RAET1G: variants seen among roughly 807,000 people sequenced by gnomAD.
RAET1G encodes retinoic acid early transcript 1G.
RAET1G carries 25 observed loss-of-function variants against 29.5 expected under a neutral mutation model. That is an observed-to-expected ratio of 0.85 (90% CI 0.62 to 1.18). RAET1G has a LOEUF of 1.18. Among genes scored for constraint, RAET1G ranks in the 50% most tolerant of loss-of-function variants. RAET1G has a pLI of 0.00. For synonymous variants in RAET1G, 167 were observed against 159.5 expected (o/e 1.05, Z -0.36); for missense variants, 434 against 423.6 (o/e 1.02, Z -0.22).
At chr6:149,919,961 A>G in intron 1 of RAET1G, 145 bp from the exon 2 acceptor site, 2 of 1,547,190 alleles carry the variant, frequency 1.3e-6, no homozygotes, top group Non-Finnish European at 1.7e-6. Flanking sequence ...GGTGTCCACA[A>G]GATTAAGGCG....
At position 149,917,164 on chromosome 6, in the gene RAET1G, A is replaced by G. The variant is rs13206119; in HGVS notation, c.843-90T>C. ...TACTTTCACTAATTCTGCTACCGCTATCTAGAAGGCGGAGCCAGGTGTACA... is the reference window on the plus strand; with the variant it reads ...TACTTTCACTAATTCTGCTACCGCTGTCTAGAAGGCGGAGCCAGGTGTACA... On this transcript the variant is annotated intron_variant, in intron 4 of 4. Transcript: ENST00000367360. 116 of 1,428,752 alleles carry G rather than the reference A, an allele frequency of 8.1e-5. No homozygotes were observed. In the East Asian group the frequency reaches 2.6e-3, roughly 32 times the overall value. The allele number at this position is 1,428,752 out of a possible 1,614,324, so 88.5% of individuals were successfully genotyped here.
rs1778633718 is a variant in RAET1G at position 149,923,074 on chromosome 6, G to T, written c.-64C>A. 1 of 1,236,088 alleles carries T rather than the reference G, an allele frequency of 8.1e-7. No individual in the cohort carries two copies. The highest frequency in any genetic ancestry group is 1.1e-6 in the Non-Finnish European group (1 of 874,540). 76.6% of individuals were successfully genotyped at this position (1,236,088 alleles called of 1,614,324 possible). The stretch of plus-strand genomic sequence containing the variant: ...CAGCCCGTGGATCACCTGGCGGCTC[G>T]CAGGCTGTCTGAATGCAGCCCGTCT... On this transcript the variant is annotated 5_prime_UTR_variant, in exon 1 of 5. Transcript: ENST00000367360.
intron 1 of RAET1G, 75 bp downstream of exon 1, chr6:149,922,851 C>G: frequency 5.7e-6 from 6 of 1,060,690 alleles, no homozygotes; most frequent in Non-Finnish European, 6.8e-6. Flanking sequence ...AGAAGCCTCC[C>G]CTCCTCTGAA....
chr6:149,917,687 G>T (rs1239598392), intron 4 of RAET1G, among the ~76,000 whole-genome samples: 1 of 152,110 alleles, frequency 6.6e-6, no homozygotes, highest in Non-Finnish European at 1.5e-5. Context: ...AACAGCTTGT[G>T]CCTTCAGTCT....
chr6:149,918,912 G>C, intron 3 of RAET1G, 131 bp downstream of exon 3: 1 of 1,458,202 alleles, frequency 6.9e-7, no homozygotes, highest in South Asian at 1.4e-5. Flanking sequence ...CCCAGGAGGA[G>C]CACCCCACGA....
chr6:149,922,823 G>T, intron 1 of RAET1G, 103 bp downstream of exon 1: 1 of 760,394 alleles, frequency 1.3e-6, no homozygotes, highest in Non-Finnish European at 2.1e-6. Flanking sequence ...AGTCCGGGGT[G>T]ATCGCACGGG....
chr6:149,922,543 T>A (rs1778619193), intron 1 of RAET1G, among the ~76,000 whole-genome samples: 1 of 152,052 alleles, frequency 6.6e-6, no homozygotes, highest in Non-Finnish European at 1.5e-5. Flanking sequence ...TGTCTGTGAT[T>A]GTGTCCCTGT....
In RAET1G at chr6:149,919,674, G is replaced by A; in HGVS notation, c.228C>T (p.Pro76=). 3 of 1,613,946 alleles carry A rather than the reference G, an allele frequency of 1.9e-6. No homozygotes were observed. Among genetic ancestry groups the A allele is most frequent in the Non-Finnish European group, 2.5e-6 (3 of 1,179,872 alleles). ...CGSKTVTPVS[P]LGKKLNVTTA... is the part of the protein sequence containing the mutation. ...TTGTGACATTTAGTTTCTTCCCCAGGGGACTGACGGGTGTGACTGTCTTGC... is the reference window on the plus strand; with the variant it reads ...TTGTGACATTTAGTTTCTTCCCCAGAGGACTGACGGGTGTGACTGTCTTGC... Residue 76 remains proline, a synonymous_variant, in exon 2 of 5, where the codon CCC becomes CCT. Transcript: ENST00000367360.
At chr6:149,917,174 C>T (rs1432125779) in intron 4 of RAET1G, 100 bp from the exon 5 acceptor site, 35 of 1,413,922 alleles carry the variant, frequency 2.5e-5, no homozygotes, top group Non-Finnish European at 3.1e-5. Context: ...ATCTAGAAGG[C>T]GGAGCCAGGT....
chr6:149,920,679 G>A (rs1778579467), intron 1 of RAET1G, among the ~76,000 whole-genome samples: 1 of 152,130 alleles, frequency 6.6e-6, no homozygotes, highest in Admixed American at 6.5e-5. Flanking sequence ...ACAGATTCCA[G>A]GTGGAGGTTG....
chr6:149,919,448 C>A, intron 2 of RAET1G, 105 bp downstream of exon 2: 2 of 1,609,408 alleles, frequency 1.2e-6, no homozygotes, highest in Non-Finnish European at 1.7e-6. Flanking sequence ...AGACGTCTTG[C>A]GGGGTGAGAT....
chr6:149,918,599 C>G (rs1210505117), intron 3 of RAET1G: 23 of 642,424 alleles, frequency 3.6e-5, no homozygotes, highest in Non-Finnish European at 6.0e-5. Context: ...AGCAAGGTGA[C>G]AGCAAAGCCC....
intron 1 of RAET1G, 105 bp downstream of exon 1, chr6:149,922,821 G>A (rs757830255): frequency 5.1e-5 from 38 of 744,986 alleles, no homozygotes; most frequent in Non-Finnish European, 7.8e-5. Flanking sequence ...GCAGTCCGGG[G>A]TGATCGCACG....
chr6:149,920,162 G>C (rs1778565134), intron 1 of RAET1G, among the ~76,000 whole-genome samples: 1 of 152,180 alleles, frequency 6.6e-6, no homozygotes, highest in South Asian at 2.1e-4. Flanking sequence ...TAGCCCACGT[G>C]GACTGTGGGA....
At chr6:149,917,639 A>G (rs1269514867) in intron 4 of RAET1G, among the ~76,000 whole-genome samples, 2 of 152,204 alleles carry the variant, frequency 1.3e-5, no homozygotes. Flanking sequence ...CGTCTAATAC[A>G]ACTATTCTTA....
Sources: allele counts gnomAD v4.1 joint callset (sites outside exome capture counted in the v4.1 genomes callset), GRCh38; gene constraint gnomAD v4.1.1; transcripts MANE v1.5; gene names NCBI Gene and HGNC (gene_info 2026-07-23, HGNC 2026-07-21).